Variants in ADGRA2 observed in about 807,000 individuals in gnomAD.
The protein encoded by ADGRA2 is G-protein coupled receptor 124.
Under a neutral mutation model 98.7 loss-of-function variants are expected in ADGRA2, and 61 were observed. The observed-to-expected ratio is 0.62, with a 90% CI of 0.50 to 0.76. ADGRA2 has a LOEUF of 0.76. ADGRA2 is among the 30% of genes least tolerant of loss of function. The pLI, the probability that ADGRA2 is intolerant of heterozygous loss-of-function variation, is 0.00. For missense variants in ADGRA2, 1,712 were observed against 1,860.0 expected (o/e 0.92, Z 1.46); for synonymous variants, 858 against 831.5 (o/e 1.03, Z -0.55).
intron 15 of ADGRA2, 106 bp from the exon 16 acceptor site, chr8:37,839,393 A>G (rs938190688): frequency 3.9e-6 from 6 of 1,523,874 alleles, no homozygotes; most frequent in Non-Finnish European, 4.4e-6. Context: ...AACCATTCAC[A>G]CACGCAGATA....
At position 37,830,065 on chromosome 8, in the gene ADGRA2, C is replaced by T. The variant is rs764689398; in HGVS notation, c.718+51C>T. 29 of 1,271,818 alleles carry T rather than the reference C, an allele frequency of 2.3e-5. 1 individual carries two copies. In the South Asian group the frequency reaches 4.1e-4, roughly 18 times the overall value. 78.8% of individuals were successfully genotyped at this position (1,271,818 alleles called of 1,614,324 possible). ...TCTCCCAGGGACCCTGCCTCTCCAC[C>T]AACCCAGGGCCCAGACACGAGCCTC... is the stretch of plus-strand genomic sequence containing the variant. On this transcript the variant is annotated intron_variant, in intron 6 of 18. Coordinates refer to ENST00000412232, the MANE Select transcript of ADGRA2 (RefSeq NM_032777.10). This position sits in a 1 kb window ranked among gnomAD's most constrained non-coding sequence, Gnocchi z 4.8.
rs1468547145 is a variant in ADGRA2, at chr8:37,829,867, T to A, written c.571T>A (p.Phe191Ile). 1 of 1,612,248 alleles carries A rather than the reference T, an allele frequency of 6.2e-7. No individual in the cohort carries two copies. The highest frequency in any genetic ancestry group is 8.5e-7 in the Non-Finnish European group (1 of 1,179,610). The change falls in exon 6 of 19, where the codon TTC (phenylalanine) becomes ATC (isoleucine). Residue 191 changes from phenylalanine (F) to isoleucine (I), a missense_variant. Coordinates refer to ENST00000412232, the MANE Select transcript of ADGRA2 (RefSeq NM_032777.10). ...ALKVVDLGTE[F>I]LTCDCHLRWL... ...ACCCTGCAGGGACTTGGGCACCGAG[T>A]TCCTGACCTGTGACTGCCACCTGCG...
rs746180711 is a variant in ADGRA2 at position 37,841,197 on chromosome 8, T to C, written c.2859T>C (p.Pro953=). 6.2e-7 allele frequency: 1 copy of C among 1,613,560 alleles called. No individual in the cohort carries two copies. The highest frequency in any genetic ancestry group is 8.5e-7 in the Non-Finnish European group (1 of 1,180,022). Reference sequence around the variant, plus strand: ...GCGCCGGGCTACGCTTACGGGGTCCTCTGGCACAGAACCCCAAGGCGGGCA... The same window carrying C: ...GCGCCGGGCTACGCTTACGGGGTCCCCTGGCACAGAACCCCAAGGCGGGCA... ...FLCAGLRLRG[P]LAQNPKAGNS... The change falls in exon 19 of 19, where the codon CCT becomes CCC. Residue 953 remains proline, a synonymous_variant. Transcript: ENST00000412232. This position sits in a 1 kb window ranked among gnomAD's most constrained non-coding sequence, Gnocchi z 5.0.
chr8:37,838,013 C>A, intron 14 of ADGRA2, 74 bp downstream of exon 14: 1 of 1,210,692 alleles, frequency 8.3e-7, no homozygotes, highest in South Asian at 1.6e-5. Flanking sequence ...TGGGTGTACT[C>A]TGACCATTTG....
chr8:37,801,596 C>A (rs1012116175), intron 1 of ADGRA2, among the ~76,000 whole-genome samples: 1 of 152,140 alleles, frequency 6.6e-6, no homozygotes, highest in Non-Finnish European at 1.5e-5. Flanking sequence ...TCTATAAAGA[C>A]CTCCTAGGAC....
In ADGRA2 at chr8:37,829,546, G is replaced by A; in HGVS notation, c.541G>A (p.Ala181Thr). Residue 181 changes from alanine to threonine, a missense_variant, in exon 5 of 19, where the codon GCC becomes ACC. By Grantham distance (58) the Ala-to-Thr change is moderately conservative. Transcript: ENST00000412232. Reference protein sequence around the residue: ...LQPGVFDELPALKVVDLGTEF... With the variant: ...LQPGVFDELPTLKVVDLGTEF... ...ACCTGGGGTCTTTGATGAGCTGCCA[G>A]CCCTTAAGGTTGTGTGAGTATCTCT... 2 of 1,611,718 alleles carry A rather than the reference G, an allele frequency of 1.2e-6. No homozygotes were observed. Among genetic ancestry groups the A allele is most frequent in the Non-Finnish European group, 1.7e-6 (2 of 1,177,854 alleles).
intron 2 of ADGRA2, among the ~76,000 whole-genome samples, chr8:37,823,082 G>C (rs1028062770): frequency 5.3e-5 from 8 of 151,836 alleles, no homozygotes; most frequent in African/African-American, 1.9e-4. Context: ...AAGTAGTGAC[G>C]GGGTTTCACC....
rs1254650485 is a variant in ADGRA2 at position 37,834,153 on chromosome 8, G to T, written c.1608+25G>T. ...GGTAATGGGGGTCAGCAGAGGGGGTGGCCCTGGCATGCAGAGGAGGGAGGC... is the reference window on the plus strand; with the variant it reads ...GGTAATGGGGGTCAGCAGAGGGGGTTGCCCTGGCATGCAGAGGAGGGAGGC... On this transcript the variant is annotated intron_variant, in intron 11 of 18. Coordinates refer to ENST00000412232, the MANE Select transcript of ADGRA2 (RefSeq NM_032777.10). The surrounding 1 kb of genome is among the most constrained non-coding windows in gnomAD (Gnocchi z 4.2). 6.3e-7 allele frequency: 1 copy of T among 1,592,130 alleles called. No individual in the cohort carries two copies. The highest frequency in any genetic ancestry group is 1.3e-5 in the African/African-American group (1 of 74,704).
chr8:37,830,420 C>T lies in ADGRA2; in HGVS notation c.719-290C>T, dbSNP rs544110201. 5.9e-5 allele frequency among the ~76,000 whole-genome samples: 9 copies of T among 152,326 alleles called. No individual in the cohort carries two copies. The highest frequency in any genetic ancestry group is 1.9e-4 in the African/African-American group (8 of 41,584). On this transcript the variant is annotated intron_variant, in intron 6 of 18. Coordinates refer to ENST00000412232, the MANE Select transcript of ADGRA2 (RefSeq NM_032777.10). The surrounding 1 kb of genome is among the most constrained non-coding windows in gnomAD (Gnocchi z 4.8). ...TGTCCCGGGGTCAGTCCTCCATCAG[C>T]TTTTCTAAGCCCCCTTGGGACTGCT...
In ADGRA2 at chr8:37,802,527, A is replaced by G. The variant is rs1804538613; in HGVS notation, c.266+4993A>G. Among the ~76,000 whole-genome samples the G allele has an allele frequency of 6.6e-6, 1 of 152,158 alleles. No individual in the cohort carries two copies. On this transcript the variant is annotated intron_variant, in intron 1 of 18. Transcript: ENST00000412232. This position sits in a 1 kb window ranked among gnomAD's most constrained non-coding sequence, Gnocchi z 4.7. ...AGGCCAGAGCAAGCCCAGAGACTCC[A>G]GCACCCACTCCCCTCCCCACCCAGG...
intron 2 of ADGRA2, among the ~76,000 whole-genome samples, chr8:37,819,018 C>T (rs150082807): frequency 8.7e-4 from 132 of 152,150 alleles, no homozygotes; most frequent in African/African-American, 3.0e-3. Flanking sequence ...GCTGGCAAAG[C>T]GAGCCAGGGG....
In ADGRA2 at chr8:37,833,782, T is replaced by C. The variant is rs761662538; in HGVS notation, c.1391T>C (p.Val464Ala). The C allele has an allele frequency of 1.2e-6, 2 of 1,614,100 alleles. No individual in the cohort carries two copies. The highest frequency in any genetic ancestry group is 1.7e-6 in the Non-Finnish European group (2 of 1,179,966). ...AGCTTTTCAGACATGATGGATGTAG[T>C]CTATGTGGCTCAGATGATCCAGAAA... ...AASFSDMMDV[V>A]YVAQMIQKFL... Residue 464 changes from valine to alanine, a missense_variant, in exon 10 of 19, where the codon GTC becomes GCC. Physicochemically the swap from Val to Ala is moderately conservative, Grantham distance 64 (BLOSUM62 0). Coordinates refer to ENST00000412232, the MANE Select transcript of ADGRA2 (RefSeq NM_032777.10).
intron 1 of ADGRA2, among the ~76,000 whole-genome samples, chr8:37,803,070 T>TC (rs1563336664): frequency 6.6e-6 from 1 of 152,050 alleles, no homozygotes; most frequent in African/African-American, 2.4e-5. Context: ...TGTGAGAATT[T>TC]CCCCCAAAGG....
intron 15 of ADGRA2, 74 bp from the exon 16 acceptor site, chr8:37,839,413 CCCCCGTGGCTCT>C: frequency 1.3e-6 from 2 of 1,566,494 alleles, no homozygotes; most frequent in Non-Finnish European, 1.7e-6. Flanking sequence ...ATGTGCCTGC[CCCCCGTGGCTCT>C]CCCAGTGGCC....
Position 37,835,207 on chromosome 8 carries a change from A to T in ADGRA2, c.1642A>T (p.Ile548Phe). 1 of 1,613,960 alleles carries T rather than the reference A, an allele frequency of 6.2e-7. No individual in the cohort carries two copies. The highest frequency in any genetic ancestry group is 8.5e-7 in the Non-Finnish European group (1 of 1,179,962). The change falls in exon 12 of 19, where the codon ATC becomes TTC. Residue 548 changes from isoleucine to phenylalanine, a missense_variant. Coordinates refer to ENST00000412232, the MANE Select transcript of ADGRA2 (RefSeq NM_032777.10). ...ARNVALEAYLIKPHSYVGLTC... is the reference protein window; with the variant it reads ...ARNVALEAYLFKPHSYVGLTC... ...GAACGTGGCATTGGAGGCCTACCTC[A>T]TCAAGCCGCACAGCTACGTGGGCCT...
In ADGRA2 at chr8:37,839,480, C is replaced by T. The variant is rs763610441; in HGVS notation, c.2388-19C>T. On this transcript the variant is annotated intron_variant, in intron 15 of 18. Coordinates refer to ENST00000412232, the MANE Select transcript of ADGRA2 (RefSeq NM_032777.10). The stretch of plus-strand genomic sequence containing the variant: ...ACCTTGGGTTGGACGGCCATTAATT[C>T]GAGACTGTTTCCGGGCAGCTCCATC... 3 of 1,613,714 alleles carry T rather than the reference C, an allele frequency of 1.9e-6. No homozygotes were observed. Among genetic ancestry groups the T allele is most frequent in the Admixed American group, 1.7e-5 (1 of 59,982 alleles).
chr8:37,819,934 G>T (rs1342862914), intron 2 of ADGRA2, among the ~76,000 whole-genome samples: 1 of 152,106 alleles, frequency 6.6e-6, no homozygotes, highest in Non-Finnish European at 1.5e-5. Flanking sequence ...GCCTCCCAAA[G>T]TGCTGGGATT....
intron 9 of ADGRA2, 82 bp downstream of exon 9, chr8:37,833,290 C>A (rs1805511863): frequency 8.7e-7 from 1 of 1,144,940 alleles, no homozygotes; most frequent in Non-Finnish European, 1.2e-6. Flanking sequence ...GCAAGGGGAG[C>A]CCTATCTCCG....
At chr8:37,839,386 C>G (rs1356193622) in intron 15 of ADGRA2, 113 bp from the exon 16 acceptor site, 9 of 1,513,044 alleles carry the variant, frequency 5.9e-6, no homozygotes, top group Non-Finnish European at 7.1e-6. Flanking sequence ...CATTCCCAAC[C>G]ATTCACACAC....
Sources: gnomAD v4.1 joint callset for allele counts (sites outside exome capture counted in the v4.1 genomes callset) on GRCh38, gnomAD v4.1.1 for gene constraint, Gnocchi (gnomAD v3.1) non-coding constraint, MANE v1.5 for transcripts, NCBI Gene and HGNC (gene_info 2026-07-23, HGNC 2026-07-21) for gene names.